Variants in HFM1 observed in about 807,000 individuals in gnomAD.
The protein encoded by HFM1 is helicase for meiosis 1, also known as probable ATP-dependent DNA helicase HFM1.
Under a neutral mutation model 192.1 loss-of-function variants are expected in HFM1, and 169 were observed. The ratio of observed to expected loss-of-function variants is 0.88; its 90% CI spans 0.78 to 1.00. The LOEUF (loss-of-function observed/expected upper bound fraction) is 1.00, where lower values mean the gene tolerates loss of function less well. HFM1 is among the 50% of genes least tolerant of loss of function. The pLI, the probability that HFM1 is intolerant of heterozygous loss-of-function variation, is 0.00. For missense variants in HFM1, 1,661 were observed against 1,668.0 expected (o/e 1.00, Z 0.07); for synonymous variants, 525 against 537.8 (o/e 0.98, Z 0.33).
intron 20 of HFM1, among the ~76,000 whole-genome samples, chr1:91,326,144 A>G (rs1423211802): frequency 6.6e-6 from 1 of 152,240 alleles, no homozygotes; most frequent in East Asian, 1.9e-4. Context: ...GGGCAAATCT[A>G]AGAGTTATTG....
intron 30 of HFM1, among the ~76,000 whole-genome samples, chr1:91,298,125 G>A (rs865992212): frequency 1.3e-5 from 2 of 152,296 alleles, no homozygotes; most frequent in Middle Eastern, 3.4e-3. Flanking sequence ...CACAGCACAA[G>A]AAGTACCTGA....
intron 34 of HFM1, among the ~76,000 whole-genome samples, chr1:91,271,516 T>A (rs1486563087): frequency 6.6e-6 from 1 of 152,024 alleles, no homozygotes; most frequent in Non-Finnish European, 1.5e-5. Context: ...AGCATATTTA[T>A]ATGCTAAAGG....
At position 91,267,736 on chromosome 1, in the gene HFM1, T is replaced by C; in HGVS notation, c.3883+9A>G. 1 of 1,196,502 alleles carries C rather than the reference T, an allele frequency of 8.4e-7. No homozygotes were observed. Among genetic ancestry groups the C allele is most frequent in the Non-Finnish European group, 1.2e-6 (1 of 845,374 alleles). 74.1% of individuals were successfully genotyped at this position (1,196,502 alleles called of 1,614,324 possible). ...TAATGAAATGATTGCATGCTAAGTA[T>C]GATTTTACCTGATATTTTTGTCTTC... On this transcript the variant is annotated intron_variant, in intron 35 of 38. Coordinates refer to ENST00000370425, the MANE Select transcript of HFM1 (RefSeq NM_001017975.6).
At chr1:91,407,886 C>T (rs530566865), upstream of HFM1, among the ~76,000 whole-genome samples, 1 of 152,274 alleles carries the variant, frequency 6.6e-6, no homozygotes, top group South Asian at 2.1e-4. Flanking sequence ...ACATCCACAT[C>T]TTTTACACCC....
chr1:91,307,235 T>C (rs281979), intron 30 of HFM1, among the ~76,000 whole-genome samples: 106,441 of 151,990 alleles, frequency 0.7, 37,555 homozygotes, highest in East Asian at 0.83. Context: ...TTATGTTTGA[T>C]ATGGTATACT....
intron 21 of HFM1, 36 bp from the exon 22 acceptor site, chr1:91,323,235 C>G: frequency 9.0e-7 from 1 of 1,109,370 alleles, no homozygotes; most frequent in South Asian, 1.4e-5. Context: ...TTAATGAAGT[C>G]TATTTTTTAT....
chr1:91,386,873 A>G (rs924002978), intron 4 of HFM1, among the ~76,000 whole-genome samples: 2 of 152,196 alleles, frequency 1.3e-5, no homozygotes, highest in African/African-American at 2.4e-5. Flanking sequence ...TCAAATCAGC[A>G]TTGTGTATCC....
At chr1:91,315,711 T>G in intron 28 of HFM1, 104 bp downstream of exon 28, 1 of 743,998 alleles carries the variant, frequency 1.3e-6, no homozygotes, top group Non-Finnish European at 2.1e-6. Flanking sequence ...GAAAATGTAA[T>G]TTAGTTGATC....
intron 36 of HFM1, among the ~76,000 whole-genome samples, chr1:91,264,608 C>T (rs1665559697): frequency 6.6e-6 from 1 of 150,992 alleles, no homozygotes. Context: ...CTCCTGACCT[C>T]GTGATCCGCC....
chr1:91,401,559 T>C (rs1664311792), intron 1 of HFM1, among the ~76,000 whole-genome samples: 1 of 152,214 alleles, frequency 6.6e-6, no homozygotes, highest in African/African-American at 2.4e-5. Context: ...CCTCTAACAA[T>C]ATACTATGTA....
In HFM1 at chr1:91,394,331, G is replaced by C; in HGVS notation, c.256C>G (p.Leu86Val). ...ITNEDTNYISLTQKFQFAFPS... is the reference protein window; with the variant it reads ...ITNEDTNYISVTQKFQFAFPS... ...AAGGCAAACTGGAATTTTTGTGTTA[G>C]TGAAATATAATTTGTATCTTCATTA... Residue 86 changes from leucine (L) to valine (V), a missense_variant, in exon 4 of 39, where the codon CTA becomes GTA. Physicochemically the swap from Leu to Val is conservative, Grantham distance 32. Coordinates refer to ENST00000370425, the MANE Select transcript of HFM1 (RefSeq NM_001017975.6). 1 of 1,582,402 alleles carries C rather than the reference G, an allele frequency of 6.3e-7. No individual in the cohort carries two copies. The highest frequency in any genetic ancestry group is 1.7e-5 in the Admixed American group (1 of 59,642).
At chr1:91,281,624 T>C (rs183757456) in intron 30 of HFM1, among the ~76,000 whole-genome samples, 57 of 152,356 alleles carry the variant, frequency 3.7e-4, no homozygotes, top group Non-Finnish European at 6.5e-4. Context: ...ATTTTCTGAA[T>C]CTTTGAATGT....
intron 30 of HFM1, among the ~76,000 whole-genome samples, chr1:91,310,260 A>C (rs1284814800): frequency 2.0e-5 from 3 of 152,206 alleles, no homozygotes; most frequent in African/African-American, 4.8e-5. Flanking sequence ...ATAATACGAT[A>C]TCTAAAATTT....
chr1:91,346,025 T>G (rs554749972), intron 19 of HFM1, among the ~76,000 whole-genome samples: 330 of 152,326 alleles, frequency 2.2e-3, no homozygotes, highest in Non-Finnish European at 3.7e-3. Flanking sequence ...TACACAACTT[T>G]GATTAAATAA....
chr1:91,390,943 T>C (rs1215229111), intron 4 of HFM1, among the ~76,000 whole-genome samples: 1 of 152,286 alleles, frequency 6.6e-6, no homozygotes, highest in East Asian at 1.9e-4. Flanking sequence ...AAATCACAAG[T>C]ATTCCTGTAC....
At chr1:91,374,016 T>C (rs971445726) in intron 13 of HFM1, among the ~76,000 whole-genome samples, 8 of 152,064 alleles carry the variant, frequency 5.3e-5, no homozygotes, top group Admixed American at 1.3e-4. Flanking sequence ...CAAGTACAGG[T>C]TGCTTATAAA....
At chr1:91,320,201 C>T (rs146860363) in intron 23 of HFM1, among the ~76,000 whole-genome samples, 89 of 152,092 alleles carry the variant, frequency 5.9e-4, no homozygotes, top group African/African-American at 1.8e-3. Flanking sequence ...TCAATAAGAC[C>T]GAAACAGTCA....
intron 11 of HFM1, chr1:91,377,780 C>G (rs1488217729): frequency 1.5e-5 from 7 of 467,296 alleles, no homozygotes. Flanking sequence ...ACCCAGGAAA[C>G]TAAGACTGTT....
chr1:91,323,128 A>T lies in HFM1; in HGVS notation c.2499T>A (p.Asn833Lys). The part of the protein sequence containing the change: ...QLRINEKKTL[N>K]TLNKDPNRIT... The stretch of plus-strand genomic sequence containing the variant: ...TCCGATTTGGATCTTTGTTCAAAGT[A>T]TTCAGTGTTTTCTTTTCATTTATCC... Residue 833 changes from asparagine (N) to lysine (K), a missense_variant, in exon 22 of 39, where the codon AAT (asparagine) becomes AAA (lysine). Asn to Lys is a moderately conservative substitution (Grantham distance 94, BLOSUM62 0). Transcript: ENST00000370425. 1 of 1,590,302 alleles carries T rather than the reference A, an allele frequency of 6.3e-7. No individual in the cohort carries two copies. Among genetic ancestry groups the T allele is most frequent in the Non-Finnish European group, 8.6e-7 (1 of 1,162,670 alleles).
Sources: gnomAD v4.1 joint callset for allele counts (sites outside exome capture counted in the v4.1 genomes callset) on GRCh38, gnomAD v4.1.1 for gene constraint, MANE v1.5 for transcripts, NCBI Gene and HGNC (gene_info 2026-07-23, HGNC 2026-07-21) for gene names.